Variants in COL4A3 observed in about 807,000 individuals in gnomAD.
COL4A3 encodes the protein collagen type IV alpha 3 chain, also known as collagen alpha-3(IV) chain.
Under a neutral mutation model 217.4 loss-of-function variants are expected in COL4A3, and 135 were observed. The ratio of observed to expected loss-of-function variants is 0.62; its 90% CI spans 0.54 to 0.72. COL4A3 has a LOEUF of 0.72. COL4A3 is among the 30% of genes least tolerant of loss of function. The probability of loss-of-function intolerance (pLI) is 0.00; values close to 1 mark genes in which losing one functional copy is unlikely to be tolerated. For missense variants in COL4A3, 1,868 were observed against 2,119.9 expected (o/e 0.88, Z 2.33); for synonymous variants, 690 against 736.3 (o/e 0.94, Z 1.02).
At chr2:227,216,421 C>T (rs2067531031) in intron 1 of COL4A3, among the ~76,000 whole-genome samples, 1 of 152,206 alleles carries the variant, frequency 6.6e-6, no homozygotes, top group Non-Finnish European at 1.5e-5. Context: ...TTGAGGCCCT[C>T]AGACCTTACC....
intron 1 of COL4A3, among the ~76,000 whole-genome samples, chr2:227,193,442 G>A (rs1431709345): frequency 2.6e-5 from 4 of 152,138 alleles, no homozygotes; most frequent in South Asian, 2.1e-4. Flanking sequence ...GGCTGGGCAC[G>A]GCGGCTCACG....
intron 1 of COL4A3, among the ~76,000 whole-genome samples, chr2:227,237,031 A>G (rs1017490314): frequency 6.6e-6 from 1 of 152,188 alleles, no homozygotes; most frequent in Non-Finnish European, 1.5e-5. Flanking sequence ...GAAAAGTTTT[A>G]AAAATTTGAT....
chr2:227,242,856 A>T (rs1209842853), intron 3 of COL4A3, among the ~76,000 whole-genome samples: 1 of 152,238 alleles, frequency 6.6e-6, no homozygotes, highest in Non-Finnish European at 1.5e-5. Context: ...GCTGTTTTCC[A>T]GTAATCCTGC....
Position 227,249,212 on chromosome 2 carries a change from G to GTGTATA in COL4A3, c.546+693_546+694insGTATAT, listed in dbSNP as rs1199261361. Among the ~76,000 whole-genome samples the GTGTATA allele has an allele frequency of 9.3e-4, 31 of 33,236 alleles. 5 individuals are homozygous for GTGTATA. Among genetic ancestry groups the GTGTATA allele is most frequent in the African/African-American group, 3.2e-3 (31 of 9,618 alleles). The allele number at this position is 33,236 out of a possible 152,430, so 21.8% of individuals were successfully genotyped here. A position where few individuals can be genotyped will look rare whatever the true frequency, so the allele number is the denominator to read the frequency against. On this transcript the variant is annotated intron_variant, in intron 9 of 51. Coordinates refer to ENST00000396578, the MANE Select transcript of COL4A3 (RefSeq NM_000091.5). ...AATTATATATAACCAAAATTAGCTA[G>GTGTATA]TATATATATATATATATATTTTTTT...
chr2:227,268,340 C>T (rs1477539238), intron 23 of COL4A3: 3 of 152,264 alleles, frequency 2.0e-5, no homozygotes, highest in Non-Finnish European at 2.9e-5. Flanking sequence ...GAAATCTAGA[C>T]GCGTGCTCTT....
At chr2:227,295,350 C>T (rs2072984609) in intron 41 of COL4A3, 34 bp downstream of exon 41, 2 of 1,598,128 alleles carry the variant, frequency 1.3e-6, no homozygotes, top group Non-Finnish European at 1.7e-6. Flanking sequence ...CTAATGTACA[C>T]ATTTTCAAGG....
intron 1 of COL4A3, among the ~76,000 whole-genome samples, chr2:227,226,731 A>G (rs987575188): frequency 2.0e-5 from 3 of 152,158 alleles, no homozygotes; most frequent in Admixed American, 6.5e-5. Context: ...CGGCCTCCCA[A>G]AGTGCTGAGA....
In COL4A3 at chr2:227,304,083, C is replaced by G. The variant is rs2073403204; in HGVS notation, c.4092C>G (p.Gly1364=). 2.5e-6 allele frequency: 4 copies of G among 1,614,130 alleles called. No individual in the cohort carries two copies. The Admixed American group carries it at 5.0e-5, about 20-fold the overall frequency. Residue 1364 remains glycine, a synonymous_variant, in exon 46 of 52, where the codon GGC becomes GGG. Coordinates refer to ENST00000396578, the MANE Select transcript of COL4A3 (RefSeq NM_000091.5). The stretch of plus-strand genomic sequence containing the variant: ...TTCCAGGAAGCCCAGGGCCACCTGG[C>G]ACACCTGGAGAACCAGGGATGCAGG... The part of the protein sequence containing the change: ...ISLPGSPGPP[G]TPGEPGMQGE...
At chr2:227,169,961 T>C (rs956433405) in intron 1 of COL4A3, among the ~76,000 whole-genome samples, 14 of 152,204 alleles carry the variant, frequency 9.2e-5, no homozygotes, top group Non-Finnish European at 1.5e-4. Flanking sequence ...AGAACAGTTA[T>C]CCCTATTATT....
intron 50 of COL4A3, among the ~76,000 whole-genome samples, 156 bp downstream of exon 50, chr2:227,309,474 T>C (rs2073655696): frequency 6.6e-6 from 1 of 152,200 alleles, no homozygotes; most frequent in Non-Finnish European, 1.5e-5. Context: ...ACAGACTTTT[T>C]TTTTTTACTT....
intron 3 of COL4A3, among the ~76,000 whole-genome samples, chr2:227,243,284 GT>G (rs2069132798): frequency 6.6e-6 from 1 of 152,198 alleles, no homozygotes; most frequent in South Asian, 2.1e-4. Flanking sequence ...TTACAGATAT[GT>G]ATGAATAGCT....
chr2:227,172,545 TTCTTCTTCATCA>T (rs1047409262), intron 1 of COL4A3, among the ~76,000 whole-genome samples: 2 of 151,472 alleles, frequency 1.3e-5, no homozygotes, highest in East Asian at 1.9e-4. Flanking sequence ...TCTCTTCCTC[TTCTTCTTCATCA>T]TCTTCTTCTT....
intron 37 of COL4A3, chr2:227,291,187 G>GT (rs2072678668): frequency 2.7e-6 from 1 of 376,884 alleles, no homozygotes; most frequent in African/African-American, 2.1e-5. Context: ...AGGACAGTGG[G>GT]TTTTTTCTTG....
At chr2:227,244,859 T>C (rs572374120) in intron 4 of COL4A3, 92 bp from the exon 5 acceptor site, 1 of 1,307,334 alleles carries the variant, frequency 7.6e-7, no homozygotes, top group South Asian at 1.2e-5. Flanking sequence ...AGGAAAAAGA[T>C]TATCGCAATG....
chr2:227,283,095 AT>A (rs1426742398), intron 32 of COL4A3, among the ~76,000 whole-genome samples: 1 of 152,124 alleles, frequency 6.6e-6, no homozygotes, highest in African/African-American at 2.4e-5. Flanking sequence ...CAGTTTTGGT[AT>A]TCTGTTTCTC....
At chr2:227,309,604 A>T (rs529348291) in intron 50 of COL4A3, among the ~76,000 whole-genome samples, 10 of 151,550 alleles carry the variant, frequency 6.6e-5, no homozygotes, top group African/African-American at 2.2e-4. Flanking sequence ...TCTTTTTATT[A>T]TTTTTTTTAT....
chr2:227,171,143 C>T (rs2065459699), intron 1 of COL4A3, among the ~76,000 whole-genome samples: 1 of 152,184 alleles, frequency 6.6e-6, no homozygotes, highest in Admixed American at 6.5e-5. Context: ...ACTGCTAGCA[C>T]CCAGAAGTCA....
intron 1 of COL4A3, among the ~76,000 whole-genome samples, chr2:227,189,633 A>T (rs929676573): frequency 9.9e-5 from 15 of 152,200 alleles, no homozygotes; most frequent in Non-Finnish European, 8.8e-5. Flanking sequence ...GTAAGACCTA[A>T]ATAACCCAGA....
chr2:227,306,632 G>C (rs73996417), intron 47 of COL4A3, among the ~76,000 whole-genome samples: 8,790 of 152,226 alleles, frequency 0.058, 344 homozygotes, highest in African/African-American at 0.098. Flanking sequence ...GGAGACAAGA[G>C]TGGGCAGAAT....
Sources: gnomAD v4.1 joint callset for allele counts (sites outside exome capture counted in the v4.1 genomes callset) on GRCh38, gnomAD v4.1.1 for gene constraint, MANE v1.5 for transcripts, NCBI Gene and HGNC (gene_info 2026-07-23, HGNC 2026-07-21) for gene names.